The following LAMA2 variants were observed in gnomAD, a reference collection of about 807,000 sequenced individuals.
LAMA2 encodes the protein laminin subunit alpha-2.
Under a neutral mutation model 364.8 loss-of-function variants are expected in LAMA2, and 269 were observed. The observed-to-expected ratio is 0.74, with a 90% CI of 0.67 to 0.82. LAMA2 has a LOEUF of 0.82. Among genes scored for constraint, LAMA2 ranks in the 40% least tolerant of loss-of-function variants. The probability of loss-of-function intolerance (pLI) is 0.00; values close to 1 mark genes in which losing one functional copy is unlikely to be tolerated. For synonymous variants in LAMA2, 1,379 were observed against 1,370.6 expected, an observed-to-expected ratio of 1.01 and a Z score of -0.14; for missense variants, 3,807 against 3,873.2, an observed-to-expected ratio of 0.98 and a Z score of 0.45.
chr6:129,385,529 A>G (rs1778966600), intron 35 of LAMA2, among the ~76,000 whole-genome samples: 1 of 152,172 alleles, frequency 6.6e-6, no homozygotes, highest in Non-Finnish European at 1.5e-5. Flanking sequence ...ACTGACATTT[A>G]TCTATTTCAG....
chr6:129,295,129 A>G (rs147902296), intron 20 of LAMA2, among the ~76,000 whole-genome samples: 123 of 152,258 alleles, frequency 8.1e-4, no homozygotes, highest in Non-Finnish European at 1.4e-3. Context: ...TGACTCCACA[A>G]TTGGTTAGCT....
At position 129,069,606 on chromosome 6, in the gene LAMA2, T is replaced by C. The variant is rs9492219; in HGVS notation, c.396+9710T>C. ...ATAGAAGTTAGAATACTGGTTATTG[T>C]TACAAGGAGAGGGAAGATAATGACT... On this transcript the variant is annotated intron_variant, in intron 3 of 64. Coordinates refer to ENST00000421865, the MANE Select transcript of LAMA2 (RefSeq NM_000426.4). 5.2e-3 allele frequency among the ~76,000 whole-genome samples: 776 copies of C among 148,984 alleles called. 9 individuals carry two copies. The highest frequency in any genetic ancestry group is 0.018 in the African/African-American group (746 of 41,060).
At chr6:129,208,167 G>T (rs1343834831) in intron 12 of LAMA2, among the ~76,000 whole-genome samples, 3 of 152,306 alleles carry the variant, frequency 2.0e-5, no homozygotes, top group Middle Eastern at 3.4e-3. Context: ...CACAGGAAAG[G>T]AAATTGTGTT....
At chr6:129,122,023 T>C (rs1167068446) in intron 4 of LAMA2, among the ~76,000 whole-genome samples, 1 of 152,140 alleles carries the variant, frequency 6.6e-6, no homozygotes, top group African/African-American at 2.4e-5. Context: ...CTCTTAAAAT[T>C]ATGTGAAAAA....
At chr6:129,243,273 T>A (rs1785511421) in intron 12 of LAMA2, among the ~76,000 whole-genome samples, 1 of 152,128 alleles carries the variant, frequency 6.6e-6, no homozygotes, top group Non-Finnish European at 1.5e-5. Flanking sequence ...GATAGGTCAG[T>A]GCTATTCCAG....
At chr6:129,186,871 A>G (rs1190349804) in intron 10 of LAMA2, among the ~76,000 whole-genome samples, 3 of 151,722 alleles carry the variant, frequency 2.0e-5, no homozygotes, top group Non-Finnish European at 4.4e-5. Flanking sequence ...GAAAATTCCT[A>G]CTTCCTTTGC....
chr6:129,251,064 CTCTCTCTCTCTCTA>C (rs1433966853), intron 13 of LAMA2, among the ~76,000 whole-genome samples: 22 of 69,116 alleles, frequency 3.2e-4, no homozygotes, highest in African/African-American at 7.8e-4. Context: ...CTCTCTCTCT[CTCTCTCTCTCTCTA>C]TATATATATA....
chr6:129,201,423 GAA>G lies in LAMA2; in HGVS notation c.1782+8573_1782+8574del, dbSNP rs546550631. The stretch of plus-strand genomic sequence containing the variant: ...AGTACTGAGTTGCAAATATGTGAAA[GAA>G]AACTACCTAAGGCTAATGAAAGAAT... On this transcript the variant is annotated intron_variant, in intron 12 of 64. Transcript: ENST00000421865. 2.9e-3 allele frequency among the ~76,000 whole-genome samples: 441 copies of G among 152,236 alleles called. 2 individuals carry two copies. Among genetic ancestry groups the G allele is most frequent in the African/African-American group, 0.01 (425 of 41,536 alleles).
At chr6:129,292,926 A>T (rs915635534) in intron 20 of LAMA2, 3 of 985,818 alleles carry the variant, frequency 3.0e-6, no homozygotes, top group Non-Finnish European at 1.2e-6. Flanking sequence ...CTTCGTAGGG[A>T]AACAGTGCAA....
At chr6:129,250,505 A>G (rs984654222) in intron 13 of LAMA2, among the ~76,000 whole-genome samples, 4 of 152,240 alleles carry the variant, frequency 2.6e-5, no homozygotes, top group Admixed American at 1.3e-4. Flanking sequence ...GTGTTTAGGT[A>G]CATGCTAATT....
At chr6:129,180,616 A>G (rs1325415767) in intron 10 of LAMA2, among the ~76,000 whole-genome samples, 1 of 152,086 alleles carries the variant, frequency 6.6e-6, no homozygotes, top group East Asian at 1.9e-4. Flanking sequence ...AGGCTGTATT[A>G]TTTTTCCTGT....
intron 1 of LAMA2, among the ~76,000 whole-genome samples, chr6:128,942,926 T>C (rs1300589932): frequency 6.6e-6 from 1 of 152,172 alleles, no homozygotes; most frequent in Non-Finnish European, 1.5e-5. Context: ...CCAATCGTAG[T>C]TTCAGTGAGG....
chr6:128,888,523 G>A (rs1776274122), intron 1 of LAMA2, among the ~76,000 whole-genome samples: 2 of 152,194 alleles, frequency 1.3e-5, no homozygotes, highest in African/African-American at 4.8e-5. Context: ...TCTAGGAATG[G>A]AGGGAGGTTG....
At chr6:129,080,211 G>T (rs1773949307) in intron 3 of LAMA2, among the ~76,000 whole-genome samples, 1 of 152,054 alleles carries the variant, frequency 6.6e-6, no homozygotes, top group Non-Finnish European at 1.5e-5. Flanking sequence ...TTGTATCACA[G>T]AAATTAAACA....
intron 1 of LAMA2, among the ~76,000 whole-genome samples, chr6:128,988,162 G>A (rs550023897): frequency 2.4e-4 from 36 of 152,220 alleles, no homozygotes; most frequent in Non-Finnish European, 4.0e-4. Flanking sequence ...CACTGTGCCC[G>A]GCCTAGCATG....
At chr6:129,484,158 T>C (rs1784485274) in intron 55 of LAMA2, among the ~76,000 whole-genome samples, 2 of 152,120 alleles carry the variant, frequency 1.3e-5, no homozygotes, top group African/African-American at 2.4e-5. Context: ...AGTCTGGAAA[T>C]GTACAGTATA....
At chr6:129,336,250 G>A (rs889189302) in intron 29 of LAMA2, among the ~76,000 whole-genome samples, 4 of 151,988 alleles carry the variant, frequency 2.6e-5, no homozygotes, top group African/African-American at 9.7e-5. Flanking sequence ...AGGAGTTCGA[G>A]ACCAGCATGG....
At chr6:129,134,698 T>G (rs1777680995) in intron 4 of LAMA2, among the ~76,000 whole-genome samples, 1 of 152,206 alleles carries the variant, frequency 6.6e-6, no homozygotes. Context: ...TTTGAGAACC[T>G]AATGCCACAG....
At chr6:129,434,628 G>T (rs73778092) in intron 41 of LAMA2, among the ~76,000 whole-genome samples, 3,888 of 152,184 alleles carry the variant, frequency 0.026, 169 homozygotes, top group African/African-American at 0.089. Flanking sequence ...ATAATTCTAT[G>T]TCTTCACCCT....
Sources: allele counts gnomAD v4.1 joint callset (sites outside exome capture counted in the v4.1 genomes callset), GRCh38; gene constraint gnomAD v4.1.1; transcripts MANE v1.5; gene names NCBI Gene and HGNC (gene_info 2026-07-23, HGNC 2026-07-21).